CPLANE1: variants seen among roughly 807,000 people sequenced by gnomAD.
CPLANE1 encodes ciliogenesis and planar polarity effector complex subunit 1, also known as ciliogenesis and planar polarity effector 1.
Under a neutral mutation model 362.5 loss-of-function variants are expected in CPLANE1, and 263 were observed. The ratio of observed to expected loss-of-function variants is 0.73; its 90% CI spans 0.66 to 0.80. CPLANE1 has a LOEUF of 0.80. Ranked by LOEUF, CPLANE1 falls within the 30% of genes least tolerant of loss-of-function variation. CPLANE1 has a pLI of 0.00. For missense variants in CPLANE1, 3,461 were observed against 3,793.4 expected (o/e 0.91, Z 2.30); for synonymous variants, 1,212 against 1,302.6 (o/e 0.93, Z 1.50).
At chr5:37,155,651 A>G (rs1561430135) in intron 41 of CPLANE1, among the ~76,000 whole-genome samples, 1 of 152,258 alleles carries the variant, frequency 6.6e-6, no homozygotes, top group Non-Finnish European at 1.5e-5. Context: ...TTGGGATTAT[A>G]GGCGTGAGCC....
chr5:37,139,863 T>C (rs1228015756), intron 44 of CPLANE1: 1 of 985,690 alleles, frequency 1.0e-6, no homozygotes, highest in Non-Finnish European at 1.2e-6. Flanking sequence ...ATAAGATTAT[T>C]ACTTTTTCTA....
At position 37,131,117 on chromosome 5, in the gene CPLANE1, T is replaced by C. The variant is rs149711780; in HGVS notation, c.8793-5708A>G. ...TGTTTTTGATAACCTTCCTTTGTTT[T>C]TGATAACTTTCCTTTTATAAGTGGA... On this transcript the variant is annotated intron_variant, in intron 46 of 52. Transcript: ENST00000651892. Among the ~76,000 whole-genome samples the C allele has an allele frequency of 5.4e-4, 83 of 152,350 alleles. 1 individual carries two copies. Among genetic ancestry groups the C allele is most frequent in the Admixed American group, 4.1e-3 (62 of 15,306 alleles).
chr5:37,153,808 G>A lies in CPLANE1; in HGVS notation c.8305C>T (p.Gln2769Ter). The change falls in exon 42 of 53, where the codon CAG becomes TAG. Residue 2769 changes from glutamine (Q) to a stop codon, truncating the protein, a stop_gained. Coordinates refer to ENST00000651892, the MANE Select transcript of CPLANE1 (RefSeq NM_001384732.1). LOFTEE classifies it high-confidence loss of function. The part of the protein sequence containing the change: ...QKIDEQLLAI[Q>*]NIAENIEQDF... ...TGTTCTATGTTTTCAGCAATGTTCTGTATTGCTAGCAACTGCTCGTCAATT... is the reference window on the plus strand; with the variant it reads ...TGTTCTATGTTTTCAGCAATGTTCTATATTGCTAGCAACTGCTCGTCAATT... 6.2e-7 allele frequency: 1 copy of A among 1,613,870 alleles called. No individual in the cohort carries two copies. Among genetic ancestry groups the A allele is most frequent in the Non-Finnish European group, 8.5e-7 (1 of 1,179,790 alleles).
chr5:37,237,617 C>T (rs946272588), intron 8 of CPLANE1, among the ~76,000 whole-genome samples: 2 of 151,946 alleles, frequency 1.3e-5, no homozygotes, highest in East Asian at 1.9e-4. Flanking sequence ...GAGGCCAAGG[C>T]GAGTGGATCA....
chr5:37,189,923 G>A (rs750594641), intron 21 of CPLANE1, among the ~76,000 whole-genome samples: 22 of 151,864 alleles, frequency 1.4e-4, no homozygotes, highest in African/African-American at 2.2e-4. Context: ...CACTTGAACC[G>A]GGGAGGTGGA....
rs1002297986 is a variant in CPLANE1, at chr5:37,245,725, T to C, written c.202A>G (p.Thr68Ala). 2.6e-6 allele frequency: 4 copies of C among 1,524,142 alleles called. No homozygotes were observed. The Admixed American group carries it at 8.9e-5, about 34-fold the overall frequency. The allele number at this position is 1,524,142 out of a possible 1,614,324, so 94.4% of individuals were successfully genotyped here. The change falls in exon 3 of 53, where the codon ACA becomes GCA. Residue 68 changes from threonine (T) to alanine (A), a missense_variant. By Grantham distance (58) the Thr-to-Ala change is moderately conservative. This residue lies in a region of CPLANE1 where 3,380 missense variants were observed against 3,666.1 expected (regional missense o/e 0.92). Transcript: ENST00000651892. ...ACTACTTAACCATTACTGGATGTTG[T>C]TAGGACAATAACATCCTTCAAGAAA... ...QPFLKDVIVL[T>A]TSSNDAWLAG...
rs751645035 is a variant in CPLANE1, at chr5:37,170,260, T to C, written c.6243A>G (p.Gln2081=). 1.2e-6 allele frequency: 2 copies of C among 1,614,082 alleles called. No individual in the cohort carries two copies. The highest frequency in any genetic ancestry group is 1.3e-5 in the African/African-American group (1 of 74,932). Residue 2081 remains glutamine, a synonymous_variant, in exon 33 of 53, where the codon CAA becomes CAG. Transcript: ENST00000651892. ...GSSFANLPDT[Q]QLVQQSQSVH... ...CAGACTGAGACTGCTGTACAAGTTG[T>C]TGTGTATCTGGGAGATTAGCAAAGG... is the stretch of plus-strand genomic sequence containing the variant.
At chr5:37,198,341 C>A (rs1057489248) in intron 20 of CPLANE1, among the ~76,000 whole-genome samples, 21 of 152,056 alleles carry the variant, frequency 1.4e-4, no homozygotes, top group Non-Finnish European at 2.6e-4. Flanking sequence ...ATTCTCTGAA[C>A]CCACAGAAGG....
chr5:37,141,797 A>G (rs1769810399), intron 44 of CPLANE1: 1 of 978,468 alleles, frequency 1.0e-6, no homozygotes, highest in African/African-American at 1.7e-5. Flanking sequence ...TGCTACCTCC[A>G]AATGAAATAA....
intron 8 of CPLANE1, among the ~76,000 whole-genome samples, chr5:37,232,696 C>T (rs950316032): frequency 2.6e-5 from 4 of 151,532 alleles, no homozygotes; most frequent in African/African-American, 4.8e-5. Flanking sequence ...AAAAAACAGT[C>T]GTGGTGGCGT....
chr5:37,085,795 C>T, the CPLANE1 span: 2 of 1,448,158 alleles, frequency 1.4e-6, no homozygotes, highest in Non-Finnish European at 1.9e-6. Flanking sequence ...AGGGTATCTG[C>T]CTCACTATTG....
rs1332904279 is a variant in CPLANE1, at chr5:37,106,771, C to T, written c.*831G>A. The T allele has an allele frequency of 3.3e-5, 29 of 882,128 alleles. No individual in the cohort carries two copies. The highest frequency in any genetic ancestry group is 3.9e-5 in the Non-Finnish European group (29 of 735,912). 54.6% of individuals were successfully genotyped at this position (882,128 alleles called of 1,614,324 possible). A position where few individuals can be genotyped will look rare whatever the true frequency, so the allele number is the denominator to read the frequency against. On this transcript the variant is annotated 3_prime_UTR_variant, in exon 53 of 53. Coordinates refer to ENST00000651892, the MANE Select transcript of CPLANE1 (RefSeq NM_001384732.1). ...TTGGAAAAAGAGGGGTATTTAATAG[C>T]TTTTTCAGATGATAGTGTGCTTTTA...
In CPLANE1 at chr5:37,198,837, A is replaced by G. The variant is rs774018842; in HGVS notation, c.3537T>C (p.Ala1179=). ...ATACCTTCTGGCGATTATTTTTTTCAGCTTTTAAAAGAAGATCATCACCAT... is the reference window on the plus strand; with the variant it reads ...ATACCTTCTGGCGATTATTTTTTTCGGCTTTTAAAAGAAGATCATCACCAT... ...EEDGDDLLLK[A]EKNNRQKVSG... The change falls in exon 20 of 53, where the codon GCT becomes GCC. Residue 1179 remains alanine (A), a synonymous_variant. Transcript: ENST00000651892. 10 of 1,614,084 alleles carry G rather than the reference A, an allele frequency of 6.2e-6. No homozygotes were observed. Among genetic ancestry groups the G allele is most frequent in the Non-Finnish European group, 5.9e-6 (7 of 1,179,976 alleles).
intron 15 of CPLANE1, among the ~76,000 whole-genome samples, chr5:37,219,546 A>T (rs1435260509): frequency 6.6e-6 from 1 of 152,010 alleles, no homozygotes; most frequent in African/African-American, 2.4e-5. Context: ...AGAAAAAAAA[A>T]ATTAGCCAGG....
the CPLANE1 span, among the ~76,000 whole-genome samples, chr5:37,095,897 A>AGGT: frequency 3.3e-5 from 5 of 152,340 alleles, no homozygotes; most frequent in African/African-American, 9.6e-5. Flanking sequence ...TACAAGGGAA[A>AGGT]CTACAAAACA....
chr5:37,119,499 C>T (rs1762016019), intron 50 of CPLANE1, among the ~76,000 whole-genome samples: 2 of 151,564 alleles, frequency 1.3e-5, no homozygotes, highest in Non-Finnish European at 2.9e-5. Context: ...GGAGAAACCC[C>T]ATCTCTTCTA....
intron 40 of CPLANE1, 34 bp downstream of exon 40, chr5:37,157,636 A>G: frequency 6.4e-7 from 1 of 1,573,442 alleles, no homozygotes; most frequent in South Asian, 1.1e-5. Flanking sequence ...GAACTTTTCA[A>G]ATTATATTTG....
intron 20 of CPLANE1, among the ~76,000 whole-genome samples, chr5:37,197,011 G>C (rs1277431259): frequency 6.6e-6 from 1 of 151,808 alleles, no homozygotes; most frequent in African/African-American, 2.4e-5. Flanking sequence ...TTAATGACCG[G>C]GTTACAGGGG....
intron 12 of CPLANE1, among the ~76,000 whole-genome samples, chr5:37,225,546 G>A (rs899093470): frequency 6.6e-6 from 1 of 152,036 alleles, no homozygotes; most frequent in East Asian, 1.9e-4. Context: ...TTTTAAAGAG[G>A]TCATTTTTTT....
Sources: allele counts gnomAD v4.1 joint callset (sites outside exome capture counted in the v4.1 genomes callset), GRCh38; gene constraint gnomAD v4.1.1; regional missense constraint gnomAD v4.1.1; transcripts MANE v1.5; gene names NCBI Gene and HGNC (gene_info 2026-07-23, HGNC 2026-07-21).